The following ROBO1 variants were observed in gnomAD, a reference collection of about 807,000 sequenced individuals.
The protein encoded by ROBO1 is roundabout guidance receptor 1, also known as roundabout homolog 1.
A neutral mutation model predicts 195.9 loss-of-function variants in ROBO1; 149 were observed. The observed-to-expected ratio is 0.76, with a 90% CI of 0.67 to 0.87. The LOEUF is 0.87. Ranked by LOEUF, ROBO1 falls within the 40% of genes least tolerant of loss-of-function variation. The pLI is 0.00. For missense variants in ROBO1, 1,933 were observed against 2,068.3 expected, an observed-to-expected ratio of 0.93 and a Z score of 1.27; for synonymous variants, 816 against 733.2, an observed-to-expected ratio of 1.11 and a Z score of -1.82.
chr3:79,013,247 T>C (rs2077832055), intron 3 of ROBO1, among the ~76,000 whole-genome samples: 1 of 152,120 alleles, frequency 6.6e-6, no homozygotes, highest in South Asian at 2.1e-4. Context: ...AAATCTTTCC[T>C]CCAGTGTGCA....
chr3:79,379,430 T>C (rs13060573), intron 2 of ROBO1, among the ~76,000 whole-genome samples: 1 of 152,172 alleles, frequency 6.6e-6, no homozygotes, highest in Non-Finnish European at 1.5e-5. Context: ...TCTTATAATG[T>C]CCATGAGTTC....
chr3:78,844,490 G>C (rs2033515840), intron 4 of ROBO1, among the ~76,000 whole-genome samples: 1 of 152,060 alleles, frequency 6.6e-6, no homozygotes, highest in Non-Finnish European at 1.5e-5. Flanking sequence ...CAAAGGACCT[G>C]AGCCCAGAGA....
rs147939503 is a variant in ROBO1, at chr3:79,756,550, CAA to C, written c.-51+11200_-51+11201del. Among the ~76,000 whole-genome samples the C allele has an allele frequency of 7.8e-3, 824 of 106,220 alleles. 4 individuals are homozygous for C. The highest frequency in any genetic ancestry group is 0.011 in the East Asian group (42 of 3,868). The allele number at this position is 106,220 out of a possible 152,430, so 69.7% of individuals were successfully genotyped here. ...GGGCAAAATGAGCGAAGCACCATCT[CAA>C]AAAAAAAAAAAAAAAAAAAAAGTAG... is the stretch of plus-strand genomic sequence containing the variant. On this transcript the variant is annotated intron_variant, in intron 1 of 30. Transcript: ENST00000464233.
At chr3:78,892,177 T>A (rs1018997737) in intron 4 of ROBO1, among the ~76,000 whole-genome samples, 2 of 152,204 alleles carry the variant, frequency 1.3e-5, no homozygotes, top group Admixed American at 1.3e-4. Flanking sequence ...CTGGGCAACA[T>A]GGCAAAACCC....
At chr3:78,981,321 C>T (rs553050118) in intron 3 of ROBO1, among the ~76,000 whole-genome samples, 5 of 152,130 alleles carry the variant, frequency 3.3e-5, no homozygotes, top group South Asian at 2.1e-4. Context: ...TTCAAAAGCC[C>T]ATTACCATCA....
chr3:79,061,361 C>G (rs1457668101), intron 3 of ROBO1, among the ~76,000 whole-genome samples: 2 of 152,048 alleles, frequency 1.3e-5, no homozygotes, highest in Non-Finnish European at 2.9e-5. Context: ...AGGACACAAA[C>G]AAATGGAAGA....
chr3:79,076,502 G>C (rs1421060545), intron 3 of ROBO1, among the ~76,000 whole-genome samples: 1 of 151,396 alleles, frequency 6.6e-6, no homozygotes, highest in East Asian at 1.9e-4. Flanking sequence ...GTAAGTTGCA[G>C]GTATAAAATA....
intron 3 of ROBO1, among the ~76,000 whole-genome samples, chr3:79,085,486 G>A (rs772265588): frequency 3.9e-5 from 6 of 152,104 alleles, no homozygotes; most frequent in South Asian, 2.1e-4. Flanking sequence ...TTTAAAGGGC[G>A]GATAGGCAAG....
In ROBO1 at chr3:79,219,621, T is replaced by C. The variant is rs140604644; in HGVS notation, c.89-94082A>G. The stretch of plus-strand genomic sequence containing the variant: ...TTGACCTGCAAGATGAACAAGCATA[T>C]CATTTAATTAATTGCCAAGCTCTTG... On this transcript the variant is annotated intron_variant, in intron 2 of 30. Transcript: ENST00000464233. Among the ~76,000 whole-genome samples, 4 of 152,098 alleles carry C rather than the reference T, an allele frequency of 2.6e-5. No individual in the cohort carries two copies. The East Asian group carries it at 7.7e-4, about 29-fold the overall frequency.
chr3:79,464,217 T>C (rs1474165162), intron 2 of ROBO1, among the ~76,000 whole-genome samples: 1 of 152,236 alleles, frequency 6.6e-6, no homozygotes, highest in African/African-American at 2.4e-5. Flanking sequence ...TGAATAATTC[T>C]GTTATAAACA....
intron 3 of ROBO1, among the ~76,000 whole-genome samples, chr3:79,086,772 T>C (rs1358673882): frequency 6.6e-6 from 1 of 152,180 alleles, no homozygotes; most frequent in Non-Finnish European, 1.5e-5. Flanking sequence ...AGACAATCTT[T>C]TATTTTTTTT....
intron 2 of ROBO1, among the ~76,000 whole-genome samples, chr3:79,325,275 G>A (rs879604602): frequency 2.0e-5 from 3 of 152,056 alleles, no homozygotes; most frequent in Non-Finnish European, 2.9e-5. Flanking sequence ...TGAATATCCT[G>A]GTTTAGTAAA....
Position 79,369,083 on chromosome 3 carries a change from T to G in ROBO1, c.88+220741A>C, listed in dbSNP as rs1194822726. ...ATTCACAAAAGTCAGCTTCTACAGC[T>G]TATGGGGCAATCTAAATAGTGGGAA... On this transcript the variant is annotated intron_variant, in intron 2 of 30. Transcript: ENST00000464233. 2.6e-5 allele frequency among the ~76,000 whole-genome samples: 4 copies of G among 152,170 alleles called. No homozygotes were observed. In the East Asian group the frequency reaches 7.7e-4, roughly 29 times the overall value.
At position 78,640,033 on chromosome 3, in the gene ROBO1, C is replaced by A. The variant is rs80245557; in HGVS notation, c.2883-135G>T. 8.6e-3 allele frequency: 6,499 copies of A among 759,074 alleles called. 177 individuals carry two copies. Among genetic ancestry groups the A allele is most frequent in the East Asian group, 0.074 (2,609 of 35,324 alleles). The allele number at this position is 759,074 out of a possible 1,614,324, so 47.0% of individuals were successfully genotyped here. ...GAACTATGCTGAATGACATTATTAT[C>A]CCTTTTATTCTACACACAGGCAACT... On this transcript the variant is annotated intron_variant, in intron 21 of 30. Coordinates refer to ENST00000464233, the MANE Select transcript of ROBO1 (RefSeq NM_002941.4).
At chr3:78,702,112 C>T (rs2081434531) in intron 8 of ROBO1, among the ~76,000 whole-genome samples, 1 of 152,118 alleles carries the variant, frequency 6.6e-6, no homozygotes, top group African/African-American at 2.4e-5. Context: ...GCTCAAAGGA[C>T]ACCAGATGCT....
In ROBO1 at chr3:78,782,300, G is replaced by A. The variant is rs76484583; in HGVS notation, c.500-35400C>T. Among the ~76,000 whole-genome samples, 12 of 151,796 alleles carry A rather than the reference G, an allele frequency of 7.9e-5. No homozygotes were observed. The South Asian group carries it at 1.7e-3, about 21-fold the overall frequency. On this transcript the variant is annotated intron_variant, in intron 4 of 30. Coordinates refer to ENST00000464233, the MANE Select transcript of ROBO1 (RefSeq NM_002941.4). Reference sequence around the variant, plus strand: ...TAACCTGTGCCTCCTAGGTTTAAGCGATTCTCTTGACTCAGCCTCCCAAGT... The same window carrying A: ...TAACCTGTGCCTCCTAGGTTTAAGCAATTCTCTTGACTCAGCCTCCCAAGT...
chr3:79,021,737 T>G (rs1042329487), intron 3 of ROBO1, among the ~76,000 whole-genome samples: 3 of 146,012 alleles, frequency 2.1e-5, no homozygotes, highest in Non-Finnish European at 3.0e-5. Flanking sequence ...CTCGGCTCAC[T>G]GCAAGCTCCG....
At chr3:78,960,826 AC>A (rs1233614334) in intron 3 of ROBO1, among the ~76,000 whole-genome samples, 12 of 150,048 alleles carry the variant, frequency 8.0e-5, no homozygotes, top group East Asian at 3.9e-4. Context: ...ACACACACAC[AC>A]ACACACAAAA....
At chr3:78,685,111 T>C (rs2081022328) in intron 10 of ROBO1, among the ~76,000 whole-genome samples, 1 of 152,124 alleles carries the variant, frequency 6.6e-6, no homozygotes, top group Non-Finnish European at 1.5e-5. Context: ...TATATATTTA[T>C]ATGTATATGA....
Sources: gnomAD v4.1 joint callset for allele counts (sites outside exome capture counted in the v4.1 genomes callset) on GRCh38, gnomAD v4.1.1 for gene constraint, MANE v1.5 for transcripts, NCBI Gene and HGNC (gene_info 2026-07-23, HGNC 2026-07-21) for gene names.